BMPER: variants seen among roughly 807,000 people sequenced by gnomAD.
The protein encoded by BMPER is BMP binding endothelial regulator, also known as BMP-binding endothelial regulator protein.
BMPER carries 45 observed loss-of-function variants against 87.3 expected under a neutral mutation model. The observed-to-expected ratio is 0.52, with a 90% confidence interval of 0.41 to 0.66. The LOEUF (loss-of-function observed/expected upper bound fraction) is 0.66, where lower values mean the gene tolerates loss of function less well. BMPER is among the 30% of genes least tolerant of loss of function. The pLI, the probability that BMPER is intolerant of heterozygous loss-of-function variation, is 0.00. For missense variants in BMPER, 784 were observed against 867.5 expected (o/e 0.90, Z 1.21); for synonymous variants, 326 against 316.2 (o/e 1.03, Z -0.33).
At chr7:34,133,431 G>A (rs894222114) in intron 13 of BMPER, among the ~76,000 whole-genome samples, 1 of 152,126 alleles carries the variant, frequency 6.6e-6, no homozygotes, top group African/African-American at 2.4e-5. Flanking sequence ...TGCCTGGAGA[G>A]GGCACAGAAG....
At chr7:34,150,420 A>G (rs370986704) in intron 14 of BMPER, among the ~76,000 whole-genome samples, 1 of 152,134 alleles carries the variant, frequency 6.6e-6, no homozygotes, top group Admixed American at 6.5e-5. Flanking sequence ...TCCTAATGTA[A>G]TTGATCTGGG....
intron 3 of BMPER, among the ~76,000 whole-genome samples, chr7:33,952,765 C>G (rs1377447943): frequency 6.6e-6 from 1 of 152,096 alleles, no homozygotes; most frequent in Non-Finnish European, 1.5e-5. Context: ...AAGTTGATTC[C>G]TTTATTTTCT....
chr7:33,993,156 T>C (rs1436833275), intron 6 of BMPER, among the ~76,000 whole-genome samples: 4 of 145,862 alleles, frequency 2.7e-5, no homozygotes, highest in African/African-American at 7.6e-5. Context: ...TGAATCTGAA[T>C]GTTGGCCTGC....
At chr7:34,143,618 C>T (rs531338147) in intron 14 of BMPER, among the ~76,000 whole-genome samples, 3 of 152,218 alleles carry the variant, frequency 2.0e-5, no homozygotes, top group Admixed American at 2.0e-4. Flanking sequence ...GCAAAATCCT[C>T]TTGACCTCAA....
chr7:33,989,358 G>T (rs1218966681), intron 6 of BMPER, among the ~76,000 whole-genome samples: 1 of 151,512 alleles, frequency 6.6e-6, no homozygotes, highest in Admixed American at 6.6e-5. Context: ...GCATTTCTCT[G>T]ATGGCCAGTG....
chr7:33,926,335 T>C lies in BMPER; in HGVS notation c.220-10954T>C, dbSNP rs113206979. Reference sequence around the variant, plus strand: ...TTCTGCAGAAATTTTTGCCTTATTTTAGATATGCTAAAGCTTCTGGAAGCC... The same window carrying C: ...TTCTGCAGAAATTTTTGCCTTATTTCAGATATGCTAAAGCTTCTGGAAGCC... On this transcript the variant is annotated intron_variant, in intron 2 of 14. Coordinates refer to ENST00000649409, the MANE Select transcript of BMPER (RefSeq NM_001365308.1). Among the ~76,000 whole-genome samples, 437 of 152,338 alleles carry C rather than the reference T, an allele frequency of 2.9e-3. 1 individual carries two copies. The highest frequency in any genetic ancestry group is 0.01 in the African/African-American group (419 of 41,578).
chr7:33,909,503 CT>C (rs377296876), intron 2 of BMPER, among the ~76,000 whole-genome samples: 31 of 152,094 alleles, frequency 2.0e-4, no homozygotes, highest in Middle Eastern at 3.4e-3. Context: ...TTCAGTTGAC[CT>C]GCAGGGAGCG....
chr7:34,050,459 G>A lies in BMPER; in HGVS notation c.677-1402G>A, dbSNP rs557904895. Among the ~76,000 whole-genome samples, 3 of 152,224 alleles carry A rather than the reference G, an allele frequency of 2.0e-5. No homozygotes were observed. The East Asian group carries it at 5.8e-4, about 29-fold the overall frequency. On this transcript the variant is annotated intron_variant, in intron 7 of 14. Transcript: ENST00000649409. ...AATGATTTAGTTCTGCATCTATATT[G>A]TATCCTGGCCTTGAGGTTGGCTATG...
At chr7:33,932,842 A>G (rs1784514129) in intron 2 of BMPER, among the ~76,000 whole-genome samples, 1 of 152,094 alleles carries the variant, frequency 6.6e-6, no homozygotes, top group African/African-American at 2.4e-5. Flanking sequence ...GGCTGGGAAT[A>G]GAACGGAAGC....
chr7:34,136,020 C>A (rs1235251489), intron 13 of BMPER, among the ~76,000 whole-genome samples: 1 of 152,206 alleles, frequency 6.6e-6, no homozygotes, highest in Non-Finnish European at 1.5e-5. Context: ...ATGAAAATGC[C>A]TGGACTTGCT....
chr7:33,991,449 G>A (rs935381961), intron 6 of BMPER, among the ~76,000 whole-genome samples: 1 of 152,058 alleles, frequency 6.6e-6, no homozygotes, highest in African/African-American at 2.4e-5. Context: ...ATTTCTGTGG[G>A]ATCGGTGGTG....
At chr7:33,949,574 T>C (rs1482765460) in intron 3 of BMPER, among the ~76,000 whole-genome samples, 1 of 152,086 alleles carries the variant, frequency 6.6e-6, no homozygotes, top group Non-Finnish European at 1.5e-5. Context: ...TCCCCACCAT[T>C]GAGCTACTCA....
At chr7:33,943,813 C>T (rs1034247140) in intron 3 of BMPER, among the ~76,000 whole-genome samples, 3 of 152,162 alleles carry the variant, frequency 2.0e-5, no homozygotes, top group Non-Finnish European at 2.9e-5. Flanking sequence ...GCAACATTCA[C>T]ACTCCTGACC....
intron 14 of BMPER, among the ~76,000 whole-genome samples, chr7:34,148,128 G>C (rs1342939377): frequency 6.6e-6 from 1 of 152,146 alleles, no homozygotes; most frequent in Admixed American, 6.5e-5. Flanking sequence ...CCAAACCAAG[G>C]ATCCGCCCTT....
At chr7:34,147,225 G>C (rs1442347070) in intron 14 of BMPER, among the ~76,000 whole-genome samples, 1 of 152,144 alleles carries the variant, frequency 6.6e-6, no homozygotes, top group Non-Finnish European at 1.5e-5. Context: ...TATACACTGA[G>C]TTATTTCTTG....
chr7:33,981,309 T>C (rs1427745156), intron 6 of BMPER, among the ~76,000 whole-genome samples: 3 of 152,224 alleles, frequency 2.0e-5, no homozygotes, highest in Admixed American at 6.5e-5. Context: ...TTATATCTCA[T>C]GGCTTTTACC....
intron 6 of BMPER, among the ~76,000 whole-genome samples, chr7:33,976,175 CAG>C (rs1387950103): frequency 1.3e-5 from 2 of 151,832 alleles, no homozygotes; most frequent in South Asian, 2.1e-4. Context: ...TTTTTTGAGA[CAG>C]AGTCTTGCTC....
intron 13 of BMPER, 74 bp from the exon 14 acceptor site, chr7:34,143,156 T>A: frequency 6.3e-7 from 1 of 1,599,838 alleles, no homozygotes; most frequent in Non-Finnish European, 8.5e-7. Context: ...TCTACGACCC[T>A]TTCTGAAGTT....
At chr7:33,997,222 G>A (rs2127932258) in intron 6 of BMPER, among the ~76,000 whole-genome samples, 1 of 152,204 alleles carries the variant, frequency 6.6e-6, no homozygotes, top group South Asian at 2.1e-4. Context: ...TTTTCTAATG[G>A]CATCATCTAT....
Sources: gnomAD v4.1 joint callset for allele counts (sites outside exome capture counted in the v4.1 genomes callset) on GRCh38, gnomAD v4.1.1 for gene constraint, MANE v1.5 for transcripts, NCBI Gene and HGNC (gene_info 2026-07-23, HGNC 2026-07-21) for gene names.